GUCY1A2: variants seen among roughly 807,000 people sequenced by gnomAD.
The protein encoded by GUCY1A2 is guanylate cyclase soluble subunit alpha-2.
In GUCY1A2, 27 loss-of-function variants were observed where a neutral mutation model predicts 63.5. The ratio of observed to expected loss-of-function variants is 0.43; its 90% confidence interval spans 0.31 to 0.59. GUCY1A2 has a LOEUF of 0.59. Ranked by LOEUF, GUCY1A2 falls within the 20% of genes least tolerant of loss-of-function variation. The probability of loss-of-function intolerance (pLI) is 0.11; values close to 1 mark genes in which losing one functional copy is unlikely to be tolerated. For missense variants in GUCY1A2, 768 were observed against 913.3 expected (o/e 0.84, Z 2.05); for synonymous variants, 364 against 343.5 (o/e 1.06, Z -0.66).
intron 6 of GUCY1A2, among the ~76,000 whole-genome samples, chr11:106,770,557 T>C (rs1407085463): frequency 1.3e-5 from 2 of 151,992 alleles, no homozygotes; most frequent in African/African-American, 4.8e-5. Context: ...CAACATCAGG[T>C]TTCCTCTGGA....
chr11:106,719,831 C>T (rs1863283168), intron 6 of GUCY1A2, among the ~76,000 whole-genome samples: 1 of 152,074 alleles, frequency 6.6e-6, no homozygotes, highest in Admixed American at 6.5e-5. Context: ...TATGAGTGTA[C>T]AAAAATCACT....
intron 4 of GUCY1A2, among the ~76,000 whole-genome samples, chr11:106,854,054 T>C (rs1859393129): frequency 6.6e-6 from 1 of 152,212 alleles, no homozygotes. Flanking sequence ...ATGCCAGTCC[T>C]TGGGCCCTTG....
At chr11:106,981,967 T>C (rs990180610) in intron 2 of GUCY1A2, among the ~76,000 whole-genome samples, 1 of 152,212 alleles carries the variant, frequency 6.6e-6, no homozygotes, top group Non-Finnish European at 1.5e-5. Flanking sequence ...ATTCAATTCA[T>C]TTATTGATTA....
intron 4 of GUCY1A2, among the ~76,000 whole-genome samples, chr11:106,909,560 C>G (rs749178975): frequency 1.3e-5 from 2 of 151,852 alleles, no homozygotes; most frequent in Non-Finnish European, 2.9e-5. Context: ...AACCACTAAC[C>G]TGTTCTTTTT....
At chr11:107,016,306 G>A (rs187595546) in intron 1 of GUCY1A2, among the ~76,000 whole-genome samples, 1 of 152,360 alleles carries the variant, frequency 6.6e-6, no homozygotes, top group African/African-American at 2.4e-5. Context: ...TTGTATCCAA[G>A]GTCAGGGTGA....
intron 4 of GUCY1A2, among the ~76,000 whole-genome samples, chr11:106,814,857 C>A (rs1858810186): frequency 6.6e-6 from 1 of 151,592 alleles, no homozygotes; most frequent in Non-Finnish European, 1.5e-5. Flanking sequence ...AACACAATAC[C>A]CAAATTATCA....
intron 4 of GUCY1A2, among the ~76,000 whole-genome samples, chr11:106,908,478 A>C (rs1860244682): frequency 6.6e-6 from 1 of 152,048 alleles, no homozygotes; most frequent in Non-Finnish European, 1.5e-5. Context: ...ATACCTATAC[A>C]TAAAGCAGAA....
intron 4 of GUCY1A2, among the ~76,000 whole-genome samples, chr11:106,865,609 A>G (rs945396591): frequency 6.6e-6 from 1 of 152,044 alleles, no homozygotes; most frequent in Admixed American, 6.6e-5. Flanking sequence ...ATAAGAACAC[A>G]TGGACACAGG....
At chr11:106,914,875 A>T (rs1165777464) in intron 4 of GUCY1A2, among the ~76,000 whole-genome samples, 1 of 152,110 alleles carries the variant, frequency 6.6e-6, no homozygotes, top group Non-Finnish European at 1.5e-5. Context: ...ATCTTCCAAC[A>T]AGAAAAAAAG....
chr11:106,761,828 A>G (rs1448978638), intron 6 of GUCY1A2, among the ~76,000 whole-genome samples: 2 of 152,092 alleles, frequency 1.3e-5, no homozygotes, highest in African/African-American at 4.8e-5. Flanking sequence ...CTTAACCACA[A>G]AGTAAGAGTT....
intron 6 of GUCY1A2, among the ~76,000 whole-genome samples, chr11:106,769,369 TC>T (rs1864216282): frequency 6.6e-6 from 1 of 152,066 alleles, no homozygotes; most frequent in African/African-American, 2.4e-5. Context: ...CATTTAAGCA[TC>T]AAGTGGATGA....
chr11:106,800,058 C>T (rs1591282594), intron 5 of GUCY1A2, among the ~76,000 whole-genome samples: 2 of 151,854 alleles, frequency 1.3e-5, no homozygotes, highest in Admixed American at 6.6e-5. Context: ...AAGAACCACC[C>T]CATCAACAAG....
Position 107,018,060 on chromosome 11 carries a change from C to G in GUCY1A2, c.-5G>C. On this transcript the variant is annotated 5_prime_UTR_variant, in exon 1 of 8. Transcript: ENST00000526355. ...CGAAATCTTCCTTCGAGACATGCTG[C>G]CGGCGGAGCTGCAGCGGCCGAGGCG... is the stretch of plus-strand genomic sequence containing the variant. 1 of 1,450,362 alleles carries G rather than the reference C, an allele frequency of 6.9e-7. No individual in the cohort carries two copies. The allele number at this position is 1,450,362 out of a possible 1,614,324, so 89.8% of individuals were successfully genotyped here.
rs988628291 is a variant in GUCY1A2, at chr11:106,680,027, A to G, written c.*7522T>C. 1 of 215,712 alleles carries G rather than the reference A, an allele frequency of 4.6e-6. No homozygotes were observed. Among genetic ancestry groups the G allele is most frequent in the Non-Finnish European group, 9.3e-6 (1 of 106,994 alleles). 13.4% of individuals were successfully genotyped at this position (215,712 alleles called of 1,614,324 possible). On this transcript the variant is annotated 3_prime_UTR_variant, in exon 8 of 8. Coordinates refer to ENST00000526355, the MANE Select transcript of GUCY1A2 (RefSeq NM_000855.3). The stretch of plus-strand genomic sequence containing the variant: ...TAGTCAAATAAATCATGTGGCTTCC[A>G]TTAAACCAGAGGTGTTTGTTACGGA...
chr11:106,956,160 A>C (rs1291828956), intron 3 of GUCY1A2, among the ~76,000 whole-genome samples: 1 of 151,608 alleles, frequency 6.6e-6, no homozygotes, highest in Non-Finnish European at 1.5e-5. Context: ...TTTCTCTCTA[A>C]ACTGGGTATT....
chr11:106,988,620 A>G (rs1374772879), intron 1 of GUCY1A2, among the ~76,000 whole-genome samples: 1 of 152,226 alleles, frequency 6.6e-6, no homozygotes, highest in African/African-American at 2.4e-5. Flanking sequence ...CACATACATT[A>G]AAAAGAAATG....
intron 6 of GUCY1A2, among the ~76,000 whole-genome samples, chr11:106,769,229 G>A (rs11211904): frequency 0.31 from 46,897 of 151,952 alleles, 7,470 homozygotes; most frequent in East Asian, 0.48. Flanking sequence ...CAGGAGTTCT[G>A]GAGACTGACT....
At chr11:106,974,096 T>C (rs1861231992) in intron 3 of GUCY1A2, among the ~76,000 whole-genome samples, 1 of 152,070 alleles carries the variant, frequency 6.6e-6, no homozygotes, top group African/African-American at 2.4e-5. Context: ...CACTACATTA[T>C]AGTAACATTA....
intron 4 of GUCY1A2, among the ~76,000 whole-genome samples, chr11:106,910,056 G>T (rs1040417331): frequency 1.3e-5 from 2 of 151,858 alleles, no homozygotes; most frequent in Non-Finnish European, 2.9e-5. Flanking sequence ...AGAAATGCAG[G>T]TATGCATTTA....
Sources: allele counts gnomAD v4.1 joint callset (sites outside exome capture counted in the v4.1 genomes callset), GRCh38; gene constraint gnomAD v4.1.1; transcripts MANE v1.5; gene names NCBI Gene and HGNC (gene_info 2026-07-23, HGNC 2026-07-21).